The following LIPI variants were observed in gnomAD, a reference collection of about 807,000 sequenced individuals.
LIPI encodes the protein lipase I.
Under a neutral mutation model 50.6 loss-of-function variants are expected in LIPI, and 59 were observed. The observed-to-expected ratio is 1.16, with a 90% confidence interval of 0.94 to 1.45. The LOEUF (loss-of-function observed/expected upper bound fraction) is 1.45. Among genes scored for constraint, LIPI ranks in the 40% most tolerant of loss-of-function variants. The probability of loss-of-function intolerance (pLI) is 0.00; values close to 1 mark genes in which losing one functional copy is unlikely to be tolerated. For missense variants in LIPI, 586 were observed against 536.3 expected, an observed-to-expected ratio of 1.09 and a Z score of -0.92; for synonymous variants, 203 against 178.2, an observed-to-expected ratio of 1.14 and a Z score of -1.11.
intron 1 of LIPI, among the ~76,000 whole-genome samples, chr21:14,194,727 C>T (rs1222460898): frequency 6.6e-6 from 1 of 151,982 alleles, no homozygotes; most frequent in Non-Finnish European, 1.5e-5. Flanking sequence ...AAAATTCTGG[C>T]GATGGATGAT....
chr21:14,150,489 G>C (rs140773170), intron 8 of LIPI, among the ~76,000 whole-genome samples: 11 of 152,166 alleles, frequency 7.2e-5, no homozygotes, highest in African/African-American at 2.4e-4. Flanking sequence ...AGTATTCTGT[G>C]ACTTTCTTGA....
chr21:14,172,584 G>A lies in LIPI; in HGVS notation c.644-6133C>T, dbSNP rs1490290439. 1.6e-4 allele frequency among the ~76,000 whole-genome samples: 25 copies of A among 151,944 alleles called. No individual in the cohort carries two copies. The East Asian group carries it at 4.3e-3, about 26-fold the overall frequency. ...CTTTGTAGGGACATGGATGAAATTG[G>A]AAATCATCATTCTCGGTAAACTATC... On this transcript the variant is annotated intron_variant, in intron 4 of 9. Transcript: ENST00000681601.
intron 8 of LIPI, among the ~76,000 whole-genome samples, chr21:14,145,911 A>T (rs2017887419): frequency 6.6e-6 from 1 of 152,136 alleles, no homozygotes; most frequent in African/African-American, 2.4e-5. Flanking sequence ...GGACATGATC[A>T]TTCTACTCAA....
At chr21:14,193,089 G>A (rs911560289) in intron 1 of LIPI, among the ~76,000 whole-genome samples, 1 of 152,184 alleles carries the variant, frequency 6.6e-6, no homozygotes, top group Non-Finnish European at 1.5e-5. Context: ...TTGTGTCATC[G>A]GTAAAATTAA....
chr21:14,175,647 T>C (rs1036161427), intron 4 of LIPI, among the ~76,000 whole-genome samples: 1 of 152,212 alleles, frequency 6.6e-6, no homozygotes, highest in Admixed American at 6.5e-5. Flanking sequence ...AAATAATAGC[T>C]CATAAACCAT....
chr21:14,157,800 C>T (rs967510760), intron 7 of LIPI, among the ~76,000 whole-genome samples: 3 of 151,804 alleles, frequency 2.0e-5, no homozygotes, highest in South Asian at 2.1e-4. Context: ...TGGAGTTTGC[C>T]TGGCTGAATT....
intron 4 of LIPI, among the ~76,000 whole-genome samples, chr21:14,174,006 C>G (rs1489827926): frequency 1.3e-5 from 2 of 152,036 alleles, no homozygotes; most frequent in African/African-American, 4.8e-5. Flanking sequence ...GTTTTTAAAA[C>G]AAGAAAAAAA....
chr21:14,203,519 T>G (rs941477574), intron 1 of LIPI, among the ~76,000 whole-genome samples: 1 of 150,170 alleles, frequency 6.7e-6, no homozygotes, highest in African/African-American at 2.5e-5. Flanking sequence ...AAAGGATGAG[T>G]TCATGTCCTT....
chr21:14,134,492 T>C (rs749336192), intron 9 of LIPI, among the ~76,000 whole-genome samples: 1 of 152,118 alleles, frequency 6.6e-6, no homozygotes, highest in Non-Finnish European at 1.5e-5. Flanking sequence ...AAAGCAATCC[T>C]AAGCAAAAAG....
At chr21:14,200,593 C>T (rs904744155) in intron 1 of LIPI, among the ~76,000 whole-genome samples, 3 of 151,568 alleles carry the variant, frequency 2.0e-5, no homozygotes, top group Non-Finnish European at 4.4e-5. Context: ...AAAACACTGC[C>T]CAGATAAATC....
At chr21:14,167,710 T>C (rs1183730049) in intron 4 of LIPI, among the ~76,000 whole-genome samples, 1 of 151,832 alleles carries the variant, frequency 6.6e-6, no homozygotes, top group Non-Finnish European at 1.5e-5. Flanking sequence ...CAAAAACCCA[T>C]CTGTACATCA....
intron 9 of LIPI, among the ~76,000 whole-genome samples, chr21:14,118,421 A>G (rs2016736469): frequency 6.6e-6 from 1 of 152,332 alleles, no homozygotes; most frequent in Admixed American, 6.5e-5. Context: ...AATGAAAGAG[A>G]TGTATGACTG....
At chr21:14,203,458 G>A (rs35853832) in intron 1 of LIPI, among the ~76,000 whole-genome samples, 21,084 of 152,014 alleles carry the variant, frequency 0.14, 1,924 homozygotes, top group South Asian at 0.21. Context: ...TGATAGACTG[G>A]ATTAAGAAAA....
chr21:14,182,321 C>T (rs896058784), intron 3 of LIPI, among the ~76,000 whole-genome samples: 4 of 152,152 alleles, frequency 2.6e-5, no homozygotes, highest in African/African-American at 9.6e-5. Context: ...ATCATGTTAT[C>T]TTATCCATTT....
At position 14,185,980 on chromosome 21, in the gene LIPI, A is replaced by C; in HGVS notation, c.522T>G (p.Gly174=). The change falls in exon 3 of 10, where the codon GGT becomes GGG. Residue 174 remains glycine, a synonymous_variant. Transcript: ENST00000681601. ...TTTTACCTGTTATTCTTCCAAGTTG[A>C]CCATGAAATATCTTTCCAACAAATC... ...ISGFVGKIFH[G]QLGRITGLDP... 1 of 1,559,228 alleles carries C rather than the reference A, an allele frequency of 6.4e-7. No individual in the cohort carries two copies. Among genetic ancestry groups the C allele is most frequent in the Non-Finnish European group, 8.8e-7 (1 of 1,130,562 alleles).
chr21:14,147,192 AATGACTGCTGTTCACC>A (rs1179865862), intron 8 of LIPI, among the ~76,000 whole-genome samples: 1 of 152,146 alleles, frequency 6.6e-6, no homozygotes, highest in Non-Finnish European at 1.5e-5. Flanking sequence ...GCAGTAGGGC[AATGACTGCTGTTCACC>A]ATTCAGGACT....
chr21:14,189,691 G>A (rs978584995), intron 1 of LIPI, among the ~76,000 whole-genome samples: 1 of 152,096 alleles, frequency 6.6e-6, no homozygotes, highest in Non-Finnish European at 1.5e-5. Flanking sequence ...TAATGGGTGT[G>A]AGCGAAAATA....
chr21:14,126,245 T>G (rs1051012733), intron 9 of LIPI, among the ~76,000 whole-genome samples: 3 of 152,216 alleles, frequency 2.0e-5, no homozygotes, highest in African/African-American at 7.2e-5. Flanking sequence ...AACACCTACA[T>G]GTCCAATATT....
At chr21:14,183,127 A>C (rs1323000619) in intron 3 of LIPI, among the ~76,000 whole-genome samples, 1 of 152,182 alleles carries the variant, frequency 6.6e-6, no homozygotes, top group African/African-American at 2.4e-5. Flanking sequence ...CAAAACAGAG[A>C]AATAGACCAA....
Sources: allele counts gnomAD v4.1 joint callset (sites outside exome capture counted in the v4.1 genomes callset), GRCh38; gene constraint gnomAD v4.1.1; transcripts MANE v1.5; gene names NCBI Gene and HGNC (gene_info 2026-07-23, HGNC 2026-07-21).